RFX4: variants seen among roughly 807,000 people sequenced by gnomAD.
RFX4 encodes regulatory factor X4.
RFX4 carries 10 observed loss-of-function variants against 95.0 expected under a neutral mutation model. The observed-to-expected ratio is 0.11, with a 90% confidence interval of 0.06 to 0.18. The LOEUF (loss-of-function observed/expected upper bound fraction) is 0.18. RFX4 is among the 10% of genes least tolerant of loss of function. The pLI is 1.00. For synonymous variants in RFX4, 321 were observed against 340.7 expected (o/e 0.94, Z 0.64); for missense variants, 640 against 922.0 (o/e 0.69, Z 3.96).
chr12:106,621,580 A>C (rs1227117937), intron 2 of RFX4, among the ~76,000 whole-genome samples: 1 of 152,020 alleles, frequency 6.6e-6, no homozygotes, highest in Non-Finnish European at 1.5e-5. Context: ...CTTTTCCCTC[A>C]ATTTCTTGTT....
chr12:106,762,297 C>T lies in RFX4; in HGVS notation c.*828C>T, dbSNP rs1179175478. ...TGGATTTATGGCATTGAGTATCACA[C>T]TCAGCTCTGCTGTGTTAACTTTGTG... On this transcript the variant is annotated 3_prime_UTR_variant, in exon 18 of 18. Transcript: ENST00000392842. 6.6e-6 allele frequency: 1 copy of T among 152,504 alleles called. No individual in the cohort carries two copies. Among genetic ancestry groups the T allele is most frequent in the Admixed American group, 6.5e-5 (1 of 15,274 alleles). 9.4% of individuals were successfully genotyped at this position (152,504 alleles called of 1,614,324 possible).
intron 11 of RFX4, among the ~76,000 whole-genome samples, chr12:106,716,571 T>C (rs886565430): frequency 3.3e-5 from 5 of 152,136 alleles, no homozygotes; most frequent in Admixed American, 3.3e-4. Context: ...AAAGCAAATG[T>C]AACAGCCGAA....
intron 17 of RFX4, among the ~76,000 whole-genome samples, chr12:106,759,302 G>T (rs926242207): frequency 2.0e-5 from 3 of 152,156 alleles, no homozygotes; most frequent in Non-Finnish European, 4.4e-5. Flanking sequence ...AGTTCCCTGA[G>T]ATGGGAACCA....
At chr12:106,589,889 T>C (rs1489083467) in intron 1 of RFX4, among the ~76,000 whole-genome samples, 1 of 152,202 alleles carries the variant, frequency 6.6e-6, no homozygotes, top group Non-Finnish European at 1.5e-5. Flanking sequence ...TGAGTAGAGA[T>C]TTGGGGCACA....
At chr12:106,601,226 C>T in intron 1 of RFX4, 1 of 1,551,490 alleles carries the variant, frequency 6.4e-7, no homozygotes, top group African/African-American at 1.4e-5. Flanking sequence ...TGTGTGTCGC[C>T]ACTGCCACCG....
rs373725233 is a variant in RFX4 at position 106,671,810 on chromosome 12, C to T, written c.316-10183C>T. Among the ~76,000 whole-genome samples, 3 of 152,042 alleles carry T rather than the reference C, an allele frequency of 2.0e-5. 1 individual carries two copies. The highest frequency in any genetic ancestry group is 4.2e-4 in the South Asian group (2 of 4,818). ...CTGAGTAGCTGGGACTACAGGTGCACGCCACCACGCCTGACTAGTTTTTTG... is the reference window on the plus strand; with the variant it reads ...CTGAGTAGCTGGGACTACAGGTGCATGCCACCACGCCTGACTAGTTTTTTG... On this transcript the variant is annotated intron_variant, in intron 4 of 17. Coordinates refer to ENST00000392842, the MANE Select transcript of RFX4 (RefSeq NM_213594.3).
intron 2 of RFX4, among the ~76,000 whole-genome samples, chr12:106,635,470 G>A (rs1420250744): frequency 6.6e-6 from 1 of 151,912 alleles, no homozygotes; most frequent in African/African-American, 2.4e-5. Context: ...GCGCCACGAT[G>A]CCCAGCTAAT....
intron 15 of RFX4, among the ~76,000 whole-genome samples, chr12:106,738,301 C>G (rs577622200): frequency 7.9e-5 from 12 of 152,258 alleles, no homozygotes; most frequent in Admixed American, 2.6e-4. Flanking sequence ...AAATGTTTCT[C>G]AAAGTGTAGC....
intron 7 of RFX4, among the ~76,000 whole-genome samples, chr12:106,694,641 T>A (rs560374743): frequency 4.2e-4 from 64 of 152,184 alleles, no homozygotes; most frequent in Non-Finnish European, 7.9e-4. Flanking sequence ...TTTGGACAAC[T>A]AATATCTCTG....
intron 1 of RFX4, among the ~76,000 whole-genome samples, chr12:106,600,935 G>C (rs1329485081): frequency 1.3e-5 from 2 of 152,184 alleles, no homozygotes; most frequent in Non-Finnish European, 2.9e-5. Flanking sequence ...CTGTCTTCTT[G>C]CTAATTTGTC....
intron 13 of RFX4, among the ~76,000 whole-genome samples, chr12:106,721,545 G>A (rs1434359110): frequency 6.6e-6 from 1 of 152,172 alleles, no homozygotes; most frequent in East Asian, 1.9e-4. Context: ...ATGATACATT[G>A]TAGGACAGTT....
chr12:106,700,698 G>A (rs1262263400), intron 8 of RFX4, among the ~76,000 whole-genome samples: 3 of 152,068 alleles, frequency 2.0e-5, no homozygotes, highest in Non-Finnish European at 2.9e-5. Flanking sequence ...GAGCCACCGC[G>A]CCCGGCCAAG....
intron 13 of RFX4, among the ~76,000 whole-genome samples, chr12:106,731,263 T>C (rs1221819421): frequency 6.6e-6 from 1 of 152,206 alleles, no homozygotes; most frequent in African/African-American, 2.4e-5. Context: ...CCACTGTGCA[T>C]GGTAGCAGCA....
chr12:106,734,120 CAA>C (rs2042664312), intron 15 of RFX4, among the ~76,000 whole-genome samples: 1 of 152,050 alleles, frequency 6.6e-6, no homozygotes, highest in Non-Finnish European at 1.5e-5. Flanking sequence ...CTAGAATAGT[CAA>C]AGTCACAGAC....
chr12:106,606,717 C>T (rs2039840215), intron 1 of RFX4, among the ~76,000 whole-genome samples: 1 of 152,146 alleles, frequency 6.6e-6, no homozygotes, highest in Non-Finnish European at 1.5e-5. Flanking sequence ...CCTTGTTCTT[C>T]CCCTCAGATA....
At chr12:106,744,941 A>T (rs1405906166) in intron 15 of RFX4, among the ~76,000 whole-genome samples, 2 of 152,196 alleles carry the variant, frequency 1.3e-5, no homozygotes, top group African/African-American at 4.8e-5. Context: ...AACAGTTCAT[A>T]GTTAAAGATA....
At chr12:106,649,513 T>G (rs555221365) in intron 3 of RFX4, among the ~76,000 whole-genome samples, 1 of 152,334 alleles carries the variant, frequency 6.6e-6, no homozygotes, top group Admixed American at 6.5e-5. Context: ...GACAGGTAAC[T>G]GTTTAATTAG....
chr12:106,684,620 T>G, intron 5 of RFX4: 1 of 1,257,168 alleles, frequency 8.0e-7, no homozygotes, highest in Admixed American at 3.0e-5. Context: ...AAAGGTGAAC[T>G]TTTTAAGGTT....
intron 2 of RFX4, among the ~76,000 whole-genome samples, chr12:106,617,350 C>T (rs531423058): frequency 2.0e-5 from 3 of 151,988 alleles, no homozygotes; most frequent in African/African-American, 4.8e-5. Context: ...GATTTTCAAC[C>T]TTTTCTAAGA....
Sources: gnomAD v4.1 joint callset for allele counts (sites outside exome capture counted in the v4.1 genomes callset) on GRCh38, gnomAD v4.1.1 for gene constraint, MANE v1.5 for transcripts, NCBI Gene and HGNC (gene_info 2026-07-23, HGNC 2026-07-21) for gene names.